Variants in CBFA2T2 observed in about 807,000 individuals in gnomAD.
CBFA2T2 encodes CBFA2/RUNX1 partner transcriptional co-repressor 2.
CBFA2T2 carries 11 observed loss-of-function variants against 62.2 expected under a neutral mutation model. The ratio of observed to expected loss-of-function variants is 0.18; its 90% CI spans 0.11 to 0.29. CBFA2T2 has a LOEUF of 0.29. Among genes scored for constraint, CBFA2T2 ranks in the 10% least tolerant of loss-of-function variants. The probability of loss-of-function intolerance (pLI) is 1.00; values close to 1 mark genes in which losing one functional copy is unlikely to be tolerated. For missense variants in CBFA2T2, 592 were observed against 774.1 expected (o/e 0.76, Z 2.79); for synonymous variants, 295 against 287.5 (o/e 1.03, Z -0.27).
At chr20:33,539,611 G>A (rs2012355524) in intron 1 of CBFA2T2, among the ~76,000 whole-genome samples, 1 of 151,854 alleles carries the variant, frequency 6.6e-6, no homozygotes, top group Admixed American at 6.6e-5. Context: ...TTGGTTGATT[G>A]TATAGTTAAT....
At chr20:33,549,424 A>G (rs2012671133) in intron 1 of CBFA2T2, among the ~76,000 whole-genome samples, 1 of 152,238 alleles carries the variant, frequency 6.6e-6, no homozygotes, top group Non-Finnish European at 1.5e-5. Flanking sequence ...ACTACTCAGC[A>G]GTAAAAAGGA....
At chr20:33,592,407 ATATATATAATTATGTAAAAAT>A (rs1183852315) in intron 1 of CBFA2T2, among the ~76,000 whole-genome samples, 3 of 147,722 alleles carry the variant, frequency 2.0e-5, no homozygotes, top group Non-Finnish European at 4.5e-5. Context: ...TGTAAAAATT[ATATATATAATTATGTAAAAAT>A]TATATATAAT....
intron 1 of CBFA2T2, among the ~76,000 whole-genome samples, chr20:33,505,129 C>T (rs1228759741): frequency 6.6e-6 from 1 of 152,148 alleles, no homozygotes; most frequent in Non-Finnish European, 1.5e-5. Context: ...AGGTGATTTA[C>T]TCACTGTCAC....
At chr20:33,520,716 G>A (rs919633818) in intron 1 of CBFA2T2, among the ~76,000 whole-genome samples, 2 of 152,068 alleles carry the variant, frequency 1.3e-5, no homozygotes, top group Non-Finnish European at 2.9e-5. Context: ...TTTGCAGTGA[G>A]CTGAGATCAT....
In CBFA2T2 at chr20:33,649,123, T is replaced by A. The variant is rs1568884124; in HGVS notation, c.*4477T>A. 6.6e-6 allele frequency: 1 copy of A among 152,132 alleles called. No individual in the cohort carries two copies. Among genetic ancestry groups the A allele is most frequent in the Non-Finnish European group, 1.5e-5 (1 of 68,022 alleles). 9.4% of individuals were successfully genotyped at this position (152,132 alleles called of 1,614,324 possible). On this transcript the variant is annotated 3_prime_UTR_variant, in exon 11 of 11. Coordinates refer to ENST00000342704, the MANE Select transcript of CBFA2T2 (RefSeq NM_001032999.3). The stretch of plus-strand genomic sequence containing the variant: ...TCAGAACTGAACTAGAAACAAGGTT[T>A]CCAGGCTCCCAGGTCAGTAGACCAA...
At chr20:33,537,929 T>C (rs1047547490) in intron 1 of CBFA2T2, among the ~76,000 whole-genome samples, 11 of 152,138 alleles carry the variant, frequency 7.2e-5, no homozygotes, top group Non-Finnish European at 1.3e-4. Flanking sequence ...ATATTCGTTT[T>C]CAAAGTTGTT....
intron 1 of CBFA2T2, among the ~76,000 whole-genome samples, chr20:33,599,966 G>C (rs2015049151): frequency 1.3e-5 from 2 of 152,044 alleles, no homozygotes. Flanking sequence ...ATAAACAGTT[G>C]TTTCTGGCCA....
chr20:33,573,778 C>T (rs982872918), intron 1 of CBFA2T2, among the ~76,000 whole-genome samples: 8 of 151,662 alleles, frequency 5.3e-5, no homozygotes, highest in Non-Finnish European at 2.9e-5. Flanking sequence ...CCACACCCGG[C>T]CCTATTATTA....
At chr20:33,603,698 T>C (rs973545295) in intron 1 of CBFA2T2, among the ~76,000 whole-genome samples, 17 of 152,310 alleles carry the variant, frequency 1.1e-4, no homozygotes, top group Non-Finnish European at 2.1e-4. Flanking sequence ...TAAGCCACAA[T>C]TGAGGGAAAA....
At chr20:33,593,372 T>A (rs1194964485) in intron 1 of CBFA2T2, among the ~76,000 whole-genome samples, 1 of 150,926 alleles carries the variant, frequency 6.6e-6, no homozygotes, top group African/African-American at 2.4e-5. Context: ...ATAAACTGAT[T>A]TGCAAATCTC....
chr20:33,595,797 C>T (rs1264710038), intron 1 of CBFA2T2, among the ~76,000 whole-genome samples: 1 of 152,200 alleles, frequency 6.6e-6, no homozygotes, highest in Non-Finnish European at 1.5e-5. Flanking sequence ...GCCTCAGCCT[C>T]CCAAAGTGCT....
chr20:33,564,282 G>C (rs949051202), intron 1 of CBFA2T2, among the ~76,000 whole-genome samples: 92 of 142,446 alleles, frequency 6.5e-4, no homozygotes, highest in Non-Finnish European at 2.4e-4. Flanking sequence ...TTTTTTTTCC[G>C]AGATGGAGTC....
intron 1 of CBFA2T2, among the ~76,000 whole-genome samples, chr20:33,543,448 C>T (rs969823370): frequency 1.3e-5 from 2 of 152,034 alleles, no homozygotes; most frequent in Admixed American, 6.6e-5. Flanking sequence ...CAAGGCAGTT[C>T]GCAACATAGG....
chr20:33,616,688 C>T (rs1298519066), intron 3 of CBFA2T2, among the ~76,000 whole-genome samples: 1 of 151,330 alleles, frequency 6.6e-6, no homozygotes, highest in Non-Finnish European at 1.5e-5. Flanking sequence ...GATCACACCA[C>T]TGCACTCCAG....
chr20:33,628,485 T>G (rs950681690), intron 7 of CBFA2T2, 50 bp downstream of exon 7: 8 of 1,308,230 alleles, frequency 6.1e-6, no homozygotes, highest in Non-Finnish European at 8.9e-6. Flanking sequence ...TACTTTTTTT[T>G]GAAACAGGAG....
chr20:33,504,560 C>T lies in CBFA2T2; in HGVS notation c.34+14259C>T, dbSNP rs944233149. Among the ~76,000 whole-genome samples the T allele has an allele frequency of 1.4e-4, 22 of 151,892 alleles. No homozygotes were observed. The East Asian group carries it at 1.9e-3, about 13-fold the overall frequency. On this transcript the variant is annotated intron_variant, in intron 1 of 10. Coordinates refer to ENST00000342704, the MANE Select transcript of CBFA2T2 (RefSeq NM_001032999.3). ...CTGGGATTACAGGTGTGCACCGCCA[C>T]GCTTGGCTAATTTTTGTATTTTTAG...
chr20:33,502,576 T>C (rs1217355256), intron 1 of CBFA2T2, among the ~76,000 whole-genome samples: 1 of 151,644 alleles, frequency 6.6e-6, no homozygotes, highest in Non-Finnish European at 1.5e-5. Flanking sequence ...GCTAATTTTT[T>C]GTATTTTTAG....
At chr20:33,591,847 T>C (rs983619478) in intron 1 of CBFA2T2, among the ~76,000 whole-genome samples, 10 of 126,862 alleles carry the variant, frequency 7.9e-5, no homozygotes, top group Non-Finnish European at 1.6e-4. Context: ...TACATCCCAA[T>C]TGTGGCGGGG....
At chr20:33,557,663 C>G (rs751525671) in intron 1 of CBFA2T2, among the ~76,000 whole-genome samples, 1 of 151,968 alleles carries the variant, frequency 6.6e-6, no homozygotes, top group African/African-American at 2.4e-5. Flanking sequence ...TGCCCCAACA[C>G]GCCTGGCTAA....
Sources: gnomAD v4.1 joint callset for allele counts (sites outside exome capture counted in the v4.1 genomes callset) on GRCh38, gnomAD v4.1.1 for gene constraint, MANE v1.5 for transcripts, NCBI Gene and HGNC (gene_info 2026-07-23, HGNC 2026-07-21) for gene names.